The following CDC42SE2 variants were observed in gnomAD, a reference collection of about 807,000 sequenced individuals.
CDC42SE2 encodes the protein CDC42 small effector protein 2.
A neutral mutation model predicts 11.5 loss-of-function variants in CDC42SE2; 3 were observed. The ratio of observed to expected loss-of-function variants is 0.26; its 90% confidence interval spans 0.12 to 0.67. The LOEUF is 0.67. Ranked by LOEUF, CDC42SE2 falls within the 30% of genes least tolerant of loss-of-function variation. The probability of loss-of-function intolerance (pLI) is 0.80; values close to 1 mark genes in which losing one functional copy is unlikely to be tolerated. For synonymous variants in CDC42SE2, 33 were observed against 34.8 expected (o/e 0.95, Z 0.18); for missense variants, 82 against 106.8 (o/e 0.77, Z 1.02).
At chr5:131,241,845 A>G (rs2149680802), upstream of CDC42SE2, among the ~76,000 whole-genome samples, 1 of 127,576 alleles carries the variant, frequency 7.8e-6, no homozygotes, top group East Asian at 2.1e-4. Context: ...TCCACTTCCT[A>G]GTCCTTTTGC....
At chr5:131,326,653 CTT>C (rs1463003954) in intron 2 of CDC42SE2, among the ~76,000 whole-genome samples, 1 of 152,038 alleles carries the variant, frequency 6.6e-6, no homozygotes, top group African/African-American at 2.4e-5. Flanking sequence ...TATATTGAGA[CTT>C]TGTTTGATGT....
chr5:131,267,450 T>G (rs542094778), intron 1 of CDC42SE2, among the ~76,000 whole-genome samples: 12 of 152,300 alleles, frequency 7.9e-5, no homozygotes, highest in African/African-American at 2.9e-4. Context: ...CTAAATAAAT[T>G]TCAGGATTAT....
the CDC42SE2 span, among the ~76,000 whole-genome samples, chr5:131,219,646 A>G: frequency 1.3e-5 from 2 of 152,224 alleles, no homozygotes; most frequent in Non-Finnish European, 1.5e-5. Flanking sequence ...TACACAATGC[A>G]GAAAAAGAGG....
intron 1 of CDC42SE2, among the ~76,000 whole-genome samples, chr5:131,287,258 G>GT (rs1205378385): frequency 6.6e-6 from 1 of 152,194 alleles, no homozygotes; most frequent in African/African-American, 2.4e-5. Context: ...GCCTCCCAAA[G>GT]TGCTGGGATT....
chr5:131,232,734 C>CAAAAAAA, the CDC42SE2 span, among the ~76,000 whole-genome samples: 12 of 42,102 alleles, frequency 2.9e-4, no homozygotes, highest in Non-Finnish European at 3.6e-4. Flanking sequence ...GACTCGGTCT[C>CAAAAAAA]AAAAAAAAAA....
intron 4 of CDC42SE2, among the ~76,000 whole-genome samples, chr5:131,386,000 ATC>A (rs1023614446): frequency 6.6e-6 from 1 of 152,132 alleles, no homozygotes; most frequent in Non-Finnish European, 1.5e-5. Context: ...TTTAATAATA[ATC>A]TCTTTTTGTT....
At chr5:131,347,205 A>T (rs1336910953) in intron 2 of CDC42SE2, among the ~76,000 whole-genome samples, 2 of 152,228 alleles carry the variant, frequency 1.3e-5, no homozygotes. Context: ...CAATGAATCC[A>T]GGAGTTGGTG....
chr5:131,359,946 C>G (rs1323826864), intron 3 of CDC42SE2, among the ~76,000 whole-genome samples: 1 of 152,150 alleles, frequency 6.6e-6, no homozygotes, highest in Non-Finnish European at 1.5e-5. Flanking sequence ...CAGAGCAACC[C>G]TCTGAGGAAG....
the CDC42SE2 span, among the ~76,000 whole-genome samples, chr5:131,235,035 C>A: frequency 6.7e-6 from 1 of 149,420 alleles, no homozygotes; most frequent in African/African-American, 2.5e-5. Context: ...ATTACAGGCA[C>A]CCGCCACCAC....
chr5:131,311,457 T>C (rs1018179808), intron 1 of CDC42SE2, among the ~76,000 whole-genome samples: 1 of 151,546 alleles, frequency 6.6e-6, no homozygotes, highest in African/African-American at 2.4e-5. Context: ...CTTTGTGGCG[T>C]TCTCTGTATT....
At chr5:131,236,189 C>T in the CDC42SE2 span, among the ~76,000 whole-genome samples, 2 of 151,874 alleles carry the variant, frequency 1.3e-5, no homozygotes, top group East Asian at 1.9e-4. Context: ...GGCTTTTTTC[C>T]CTTCAGGAAT....
chr5:131,333,869 A>G (rs1371974852), intron 2 of CDC42SE2, among the ~76,000 whole-genome samples: 1 of 152,212 alleles, frequency 6.6e-6, no homozygotes, highest in Non-Finnish European at 1.5e-5. Context: ...TTGGGCTGAG[A>G]TGATGGGGTT....
rs1318750760 is a variant in CDC42SE2, at chr5:131,372,752, C to T, written c.55-12791C>T. Among the ~76,000 whole-genome samples, 3 of 151,838 alleles carry T rather than the reference C, an allele frequency of 2.0e-5. No individual in the cohort carries two copies. In the East Asian group the frequency reaches 5.8e-4, roughly 29 times the overall value. On this transcript the variant is annotated intron_variant, in intron 3 of 4. Transcript: ENST00000505065. ...TGTCAGACAGATCCGGATTTGAATT[C>T]CAGAGCTGGTACTTATTTATTTACT...
the CDC42SE2 span, among the ~76,000 whole-genome samples, chr5:131,232,584 A>G: frequency 6.6e-6 from 1 of 151,714 alleles, no homozygotes; most frequent in Non-Finnish European, 1.5e-5. Flanking sequence ...AATACCAAAC[A>G]TTAGCCAGGT....
upstream of CDC42SE2, among the ~76,000 whole-genome samples, chr5:131,262,741 G>A (rs1756758005): frequency 6.6e-6 from 1 of 152,084 alleles, no homozygotes; most frequent in Non-Finnish European, 1.5e-5. Context: ...TACAATGTAA[G>A]TGCTATGTAA....
chr5:131,289,290 A>G (rs961497544), intron 1 of CDC42SE2, among the ~76,000 whole-genome samples: 2 of 152,148 alleles, frequency 1.3e-5, no homozygotes, highest in South Asian at 4.1e-4. Context: ...TTTTATTTTT[A>G]ATTCTAAGAA....
At chr5:131,381,147 A>C (rs1300070023) in intron 3 of CDC42SE2, among the ~76,000 whole-genome samples, 1 of 152,094 alleles carries the variant, frequency 6.6e-6, no homozygotes, top group Admixed American at 6.5e-5. Context: ...AGGAAATCTC[A>C]TTAACTTGGC....
chr5:131,318,406 A>G (rs770050520), intron 2 of CDC42SE2, among the ~76,000 whole-genome samples: 1 of 152,182 alleles, frequency 6.6e-6, no homozygotes, highest in Non-Finnish European at 1.5e-5. Context: ...CATGTTTCCT[A>G]CCTAAGACAG....
At chr5:131,337,750 G>A (rs1758609343) in intron 2 of CDC42SE2, among the ~76,000 whole-genome samples, 1 of 152,246 alleles carries the variant, frequency 6.6e-6, no homozygotes, top group African/African-American at 2.4e-5. Context: ...GGCTCCGTGA[G>A]GGTAGGACCC....
Sources: gnomAD v4.1 joint callset for allele counts (sites outside exome capture counted in the v4.1 genomes callset) on GRCh38, gnomAD v4.1.1 for gene constraint, MANE v1.5 for transcripts, NCBI Gene and HGNC (gene_info 2026-07-23, HGNC 2026-07-21) for gene names.